The following PRKN variants were observed in gnomAD, a reference collection of about 807,000 sequenced individuals.
PRKN encodes parkin RBR E3 ubiquitin protein ligase.
In PRKN, 56 loss-of-function variants were observed where a neutral mutation model predicts 59.5. That is an observed-to-expected ratio of 0.94 (90% CI 0.76 to 1.18). The LOEUF is 1.18. PRKN is among the 50% of genes most tolerant of loss of function. PRKN has a pLI of 0.00. For synonymous variants in PRKN, 250 were observed against 222.1 expected (o/e 1.13, Z -1.12); for missense variants, 657 against 596.4 (o/e 1.10, Z -1.06).
chr6:162,414,803 C>T (rs17438759), intron 2 of PRKN, among the ~76,000 whole-genome samples: 80,136 of 148,182 alleles, frequency 0.54, 22,563 homozygotes, highest in African/African-American at 0.69. Flanking sequence ...GTAAAGATGA[C>T]ATATATATAG....
intron 1 of PRKN, among the ~76,000 whole-genome samples, chr6:162,725,848 T>C (rs1779145735): frequency 6.6e-6 from 1 of 152,090 alleles, no homozygotes; most frequent in Non-Finnish European, 1.5e-5. Flanking sequence ...TTGCACATTG[T>C]CCATGATCTT....
chr6:161,998,424 C>G (rs1194432150), intron 5 of PRKN, among the ~76,000 whole-genome samples: 2 of 152,112 alleles, frequency 1.3e-5, no homozygotes, highest in Non-Finnish European at 2.9e-5. Flanking sequence ...ATTAACTACA[C>G]ATATGAAAAC....
chr6:161,633,165 T>C (rs2128155454), intron 7 of PRKN, among the ~76,000 whole-genome samples: 1 of 152,350 alleles, frequency 6.6e-6, no homozygotes, highest in Admixed American at 6.5e-5. Flanking sequence ...CATGTGTATT[T>C]GTGTGCATGT....
chr6:162,050,545 G>C (rs1484453374), intron 5 of PRKN, among the ~76,000 whole-genome samples: 2 of 151,582 alleles, frequency 1.3e-5, no homozygotes, highest in Non-Finnish European at 2.9e-5. Flanking sequence ...ACTAGACAAT[G>C]TAGGTTCACC....
At chr6:162,092,177 A>G (rs1171119620) in intron 4 of PRKN, among the ~76,000 whole-genome samples, 3 of 152,058 alleles carry the variant, frequency 2.0e-5, no homozygotes, top group South Asian at 2.1e-4. Flanking sequence ...AACATGGCGA[A>G]ACCCCGGCTC....
intron 1 of PRKN, among the ~76,000 whole-genome samples, chr6:162,580,707 C>A (rs1780757306): frequency 6.6e-6 from 1 of 152,100 alleles, no homozygotes; most frequent in Non-Finnish European, 1.5e-5. Flanking sequence ...TAGGCAAGGC[C>A]CCTTTCCCAC....
At chr6:162,431,828 C>CA (rs1789544327) in intron 2 of PRKN, among the ~76,000 whole-genome samples, 1 of 152,154 alleles carries the variant, frequency 6.6e-6, no homozygotes, top group Non-Finnish European at 1.5e-5. Context: ...TTATATTTTT[C>CA]AAATTCGTAA....
intron 7 of PRKN, among the ~76,000 whole-genome samples, chr6:161,641,585 C>T (rs1036291448): frequency 1.2e-4 from 18 of 152,160 alleles, no homozygotes; most frequent in Admixed American, 1.2e-3. Context: ...TCTGGTCTCC[C>T]GTACAGCCAG....
intron 1 of PRKN, among the ~76,000 whole-genome samples, chr6:162,543,854 G>A (rs1047625655): frequency 1.3e-5 from 2 of 152,112 alleles, no homozygotes; most frequent in Non-Finnish European, 1.5e-5. Context: ...AAAAAACATG[G>A]CAAGGTGCAG....
Position 161,386,832 on chromosome 6 carries a change from A to T in PRKN, c.1129T>A (p.Cys377Ser). 1.2e-6 allele frequency: 2 copies of T among 1,613,826 alleles called. No individual in the cohort carries two copies. The highest frequency in any genetic ancestry group is 8.5e-7 in the Non-Finnish European group (1 of 1,179,970). Residue 377 changes from cysteine to serine, a missense_variant, in exon 10 of 12, where the codon TGC becomes AGC. Transcript: ENST00000366898. The surrounding 1 kb of genome is among the most constrained non-coding windows in gnomAD (Gnocchi z 4.3). ...CCTGAGGCTTCAAATACGGCACTGCACTCCCCTTCATGGTACGCTTCTTTA... is the reference window on the plus strand; with the variant it reads ...CCTGAGGCTTCAAATACGGCACTGCTCTCCCCTTCATGGTACGCTTCTTTA... Reference protein sequence around the residue: ...ECKEAYHEGECSAVFEASGTT... With the variant: ...ECKEAYHEGESSAVFEASGTT...
chr6:161,663,159 T>C (rs546928542), intron 7 of PRKN, among the ~76,000 whole-genome samples: 1 of 152,330 alleles, frequency 6.6e-6, no homozygotes, highest in African/African-American at 2.4e-5. Context: ...CCCAGTCACG[T>C]GGAACTGTGA....
intron 1 of PRKN, among the ~76,000 whole-genome samples, chr6:162,495,855 C>T (rs1279227261): frequency 6.6e-6 from 1 of 152,186 alleles, no homozygotes; most frequent in Non-Finnish European, 1.5e-5. Context: ...GTGACACAGC[C>T]GGTCCGGGGT....
At chr6:161,983,906 T>TAA (rs767783163) in intron 5 of PRKN, among the ~76,000 whole-genome samples, 1 of 117,288 alleles carries the variant, frequency 8.5e-6, no homozygotes, top group African/African-American at 3.5e-5. Flanking sequence ...TAGAGTATAA[T>TAA]AAAAAAAAAA....
Position 161,399,129 on chromosome 6 carries a change from C to A in PRKN, c.1084-12252G>T, listed in dbSNP as rs561790823. On this transcript the variant is annotated intron_variant, in intron 9 of 11. Transcript: ENST00000366898. The surrounding 1 kb of genome is among the most constrained non-coding windows in gnomAD (Gnocchi z 4.4). ...AGACAGTTAGAGAGGAGATTGGCTG[C>A]TGGACGGCCCAACTCCAGGGGAAGA... Among the ~76,000 whole-genome samples the A allele has an allele frequency of 4.2e-4, 64 of 152,222 alleles. No homozygotes were observed. The highest frequency in any genetic ancestry group is 1.3e-3 in the African/African-American group (54 of 41,528).
chr6:161,747,380 G>T (rs1177001618), intron 7 of PRKN, among the ~76,000 whole-genome samples: 1 of 150,468 alleles, frequency 6.6e-6, no homozygotes, highest in Admixed American at 6.6e-5. Context: ...CCAAGGTAAT[G>T]GAAGTGATAT....
chr6:162,692,455 C>T (rs759985359), intron 1 of PRKN, among the ~76,000 whole-genome samples: 4 of 152,152 alleles, frequency 2.6e-5, no homozygotes, highest in Non-Finnish European at 5.9e-5. Flanking sequence ...GGCAAACACC[C>T]GTTCTAGTTC....
chr6:161,853,764 C>A (rs1488956067), intron 6 of PRKN, among the ~76,000 whole-genome samples: 2 of 152,100 alleles, frequency 1.3e-5, no homozygotes, highest in Non-Finnish European at 2.9e-5. Context: ...AGAAACACGA[C>A]AAGGAGAGAA....
rs748194961 is a variant in PRKN at position 161,544,213 on chromosome 6, G to A, written c.1083+4641C>T. Among the ~76,000 whole-genome samples the A allele has an allele frequency of 3.4e-4, 52 of 152,260 alleles. No homozygotes were observed. The highest frequency in any genetic ancestry group is 3.4e-3 in the Middle Eastern group (1 of 294). On this transcript the variant is annotated intron_variant, in intron 9 of 11. Transcript: ENST00000366898. This position sits in a 1 kb window ranked among gnomAD's most constrained non-coding sequence, Gnocchi z 5.5. ...TTGGCCGTGTATGTAGCCTTTGATA[G>A]AGCACACCAATTCTGTAAATTCTGC... is the stretch of plus-strand genomic sequence containing the variant.
chr6:161,718,800 T>C (rs1477579589), intron 7 of PRKN, among the ~76,000 whole-genome samples: 2 of 152,194 alleles, frequency 1.3e-5, no homozygotes, highest in Non-Finnish European at 2.9e-5. Context: ...GTTCAGTGAC[T>C]CAAGAGGTCT....
Sources: allele counts gnomAD v4.1 joint callset (sites outside exome capture counted in the v4.1 genomes callset), GRCh38; gene constraint gnomAD v4.1.1; non-coding constraint Gnocchi (gnomAD v3.1); transcripts MANE v1.5; gene names NCBI Gene and HGNC (gene_info 2026-07-23, HGNC 2026-07-21).